Variants in PTPRD observed in about 807,000 individuals in gnomAD.
The protein encoded by PTPRD is receptor-type tyrosine-protein phosphatase delta.
In PTPRD, 34 loss-of-function variants were observed where a neutral mutation model predicts 214.5. That is an observed-to-expected ratio of 0.16 (90% CI 0.12 to 0.21). PTPRD has a LOEUF of 0.21. Among genes scored for constraint, PTPRD ranks in the 10% least tolerant of loss-of-function variants. The probability of loss-of-function intolerance (pLI) is 1.00; values close to 1 mark genes in which losing one functional copy is unlikely to be tolerated. For synonymous variants in PTPRD, 1,128 were observed against 845.7 expected, an observed-to-expected ratio of 1.33 and a Z score of -5.79; for missense variants, 2,545 against 2,398.7, an observed-to-expected ratio of 1.06 and a Z score of -1.27.
At chr9:10,058,159 G>C (rs1009896598) in intron 3 of PTPRD, among the ~76,000 whole-genome samples, 2 of 151,830 alleles carry the variant, frequency 1.3e-5, no homozygotes, top group South Asian at 4.2e-4. Context: ...CATTACCTTC[G>C]TTCTAGTGAT....
intron 11 of PTPRD, among the ~76,000 whole-genome samples, chr9:8,809,210 T>C (rs762515590): frequency 1.3e-5 from 2 of 152,270 alleles, no homozygotes; most frequent in Non-Finnish European, 2.9e-5. Flanking sequence ...AAATGTCACA[T>C]AATGTTTTGT....
At chr9:8,618,924 T>G (rs71507656) in intron 14 of PTPRD, among the ~76,000 whole-genome samples, 5,023 of 143,350 alleles carry the variant, frequency 0.035, 124 homozygotes, top group Non-Finnish European at 0.049. Flanking sequence ...GTTTTTTTTT[T>G]TTTTTTTTTT....
chr9:9,299,335 A>G (rs1370093359), intron 9 of PTPRD, among the ~76,000 whole-genome samples: 2 of 151,728 alleles, frequency 1.3e-5, no homozygotes, highest in Non-Finnish European at 2.9e-5. Flanking sequence ...GTCTGGTAAC[A>G]TATTTAATGA....
intron 3 of PTPRD, among the ~76,000 whole-genome samples, chr9:10,310,783 C>T (rs2096247171): frequency 6.6e-6 from 1 of 152,038 alleles, no homozygotes; most frequent in Admixed American, 6.6e-5. Context: ...TAACAGACAG[C>T]TGTAGTGAAA....
At chr9:9,190,687 A>G (rs1230071579) in intron 9 of PTPRD, among the ~76,000 whole-genome samples, 1 of 152,102 alleles carries the variant, frequency 6.6e-6, no homozygotes, top group Non-Finnish European at 1.5e-5. Context: ...GTGAGCCAGT[A>G]GATTTCTGCT....
At chr9:9,524,652 C>T (rs2073591183) in intron 8 of PTPRD, among the ~76,000 whole-genome samples, 1 of 152,186 alleles carries the variant, frequency 6.6e-6, no homozygotes, top group Non-Finnish European at 1.5e-5. Flanking sequence ...TCTATGAGAA[C>T]AATTATTCTA....
At chr9:9,958,114 C>T (rs1417021301) in intron 4 of PTPRD, among the ~76,000 whole-genome samples, 1 of 152,114 alleles carries the variant, frequency 6.6e-6, no homozygotes, top group African/African-American at 2.4e-5. Context: ...TAAATCAACT[C>T]AAAAAATTCT....
chr9:10,520,763 G>A (rs1192480424), intron 2 of PTPRD, among the ~76,000 whole-genome samples: 1 of 152,004 alleles, frequency 6.6e-6, no homozygotes, highest in African/African-American at 2.4e-5. Flanking sequence ...TTAGAATTAT[G>A]TTAAATCTAC....
At chr9:9,367,869 G>C (rs2058316149) in intron 9 of PTPRD, among the ~76,000 whole-genome samples, 1 of 151,656 alleles carries the variant, frequency 6.6e-6, no homozygotes, top group Admixed American at 6.6e-5. Context: ...CCTAGAATAA[G>C]ATAATAGAGG....
chr9:9,832,209 T>C (rs970978885), intron 5 of PTPRD, among the ~76,000 whole-genome samples: 1 of 151,968 alleles, frequency 6.6e-6, no homozygotes, highest in Non-Finnish European at 1.5e-5. Flanking sequence ...AAACAAACCA[T>C]TTATTTTAAT....
At chr9:9,132,957 G>T (rs777000739) in intron 10 of PTPRD, among the ~76,000 whole-genome samples, 24 of 152,152 alleles carry the variant, frequency 1.6e-4, no homozygotes, top group South Asian at 1.0e-3. Context: ...ATCAGATAAA[G>T]TCCAATGCAG....
At position 10,375,455 on chromosome 9, in the gene PTPRD, G is replaced by A. The variant is rs201113933; in HGVS notation, c.-599-34438C>T. Among the ~76,000 whole-genome samples, 5 of 151,914 alleles carry A rather than the reference G, an allele frequency of 3.3e-5. No homozygotes were observed. The East Asian group carries it at 7.7e-4, about 23-fold the overall frequency. On this transcript the variant is annotated intron_variant, in intron 2 of 45. Coordinates refer to ENST00000381196, the MANE Select transcript of PTPRD (RefSeq NM_002839.4). ...ATGAGACTACCTAATTGTCATTTCAGCCTCTTTATAGCAAGTGAGGAGAAG... is the reference window on the plus strand; with the variant it reads ...ATGAGACTACCTAATTGTCATTTCAACCTCTTTATAGCAAGTGAGGAGAAG...
At chr9:9,129,971 G>A (rs1254777039) in intron 10 of PTPRD, among the ~76,000 whole-genome samples, 2 of 152,088 alleles carry the variant, frequency 1.3e-5, no homozygotes, top group South Asian at 2.1e-4. Context: ...AACAATATCT[G>A]AGGGTATGAG....
intron 2 of PTPRD, among the ~76,000 whole-genome samples, chr9:10,391,705 C>A (rs530390777): frequency 2.6e-5 from 4 of 151,742 alleles, no homozygotes; most frequent in African/African-American, 9.7e-5. Context: ...AAAGTTCTGT[C>A]ACCATTTAAC....
intron 2 of PTPRD, among the ~76,000 whole-genome samples, chr9:10,457,963 T>G (rs1050513913): frequency 2.6e-5 from 4 of 151,916 alleles, no homozygotes; most frequent in African/African-American, 7.3e-5. Flanking sequence ...TAGAGAAAAT[T>G]GATACATTAC....
At chr9:10,050,096 T>A (rs537801322) in intron 3 of PTPRD, among the ~76,000 whole-genome samples, 1 of 152,248 alleles carries the variant, frequency 6.6e-6, no homozygotes, top group South Asian at 2.1e-4. Flanking sequence ...AATAAATATC[T>A]GTCGAATTAA....
Position 8,720,412 on chromosome 9 carries a change from G to A in PTPRD, c.64+13368C>T, listed in dbSNP as rs574532932. On this transcript the variant is annotated intron_variant, in intron 12 of 45. Transcript: ENST00000381196. Reference sequence around the variant, plus strand: ...TCCTATTACTGATCAAAGCCAGTCAGGGGACTAACCCACATTCAAGGAGTG... The same window carrying A: ...TCCTATTACTGATCAAAGCCAGTCAAGGGACTAACCCACATTCAAGGAGTG... Among the ~76,000 whole-genome samples, 6 of 152,322 alleles carry A rather than the reference G, an allele frequency of 3.9e-5. No homozygotes were observed. In the South Asian group the frequency reaches 8.3e-4, roughly 21 times the overall value.
At chr9:8,482,331 C>T (rs1398570033) in intron 30 of PTPRD, among the ~76,000 whole-genome samples, 1 of 152,138 alleles carries the variant, frequency 6.6e-6, no homozygotes, top group East Asian at 1.9e-4. Flanking sequence ...TCTACCTCTG[C>T]ATCCTACTTC....
chr9:9,821,318 G>T (rs2050644661), intron 5 of PTPRD, among the ~76,000 whole-genome samples: 1 of 152,162 alleles, frequency 6.6e-6, no homozygotes, highest in Admixed American at 6.6e-5. Flanking sequence ...CCACTGAAAT[G>T]TCAAATGTAA....
Sources: allele counts gnomAD v4.1 joint callset (sites outside exome capture counted in the v4.1 genomes callset), GRCh38; gene constraint gnomAD v4.1.1; transcripts MANE v1.5; gene names NCBI Gene and HGNC (gene_info 2026-07-23, HGNC 2026-07-21).